STK10: variants seen among roughly 807,000 people sequenced by gnomAD.
STK10 encodes serine/threonine kinase 10.
Under a neutral mutation model 113.8 loss-of-function variants are expected in STK10, and 78 were observed. That is an observed-to-expected ratio of 0.69 (90% CI 0.57 to 0.83). The LOEUF is 0.83. Ranked by LOEUF, STK10 falls within the 40% of genes least tolerant of loss-of-function variation. The pLI is 0.00. For missense variants in STK10, 1,109 were observed against 1,280.1 expected, an observed-to-expected ratio of 0.87 and a Z score of 2.04; for synonymous variants, 465 against 494.7, an observed-to-expected ratio of 0.94 and a Z score of 0.80.
intron 4 of STK10, among the ~76,000 whole-genome samples, chr5:172,116,262 G>A (rs1769381285): frequency 6.6e-6 from 1 of 151,874 alleles, no homozygotes; most frequent in African/African-American, 2.4e-5. Context: ...TGTATTTTTA[G>A]TAGAGATTGG....
At chr5:172,089,891 A>G (rs1768657490) in intron 10 of STK10, among the ~76,000 whole-genome samples, 1 of 149,328 alleles carries the variant, frequency 6.7e-6, no homozygotes, top group Non-Finnish European at 1.5e-5. Flanking sequence ...ATGGGTGGAC[A>G]GTTGGATGGA....
At chr5:172,122,591 G>A (rs1170670562) in intron 3 of STK10, among the ~76,000 whole-genome samples, 4 of 152,056 alleles carry the variant, frequency 2.6e-5, no homozygotes, top group East Asian at 1.9e-4. Flanking sequence ...TCCTTTCCAC[G>A]ATAAGAGGGT....
intron 1 of STK10, among the ~76,000 whole-genome samples, chr5:172,157,048 T>TA (rs1180359736): frequency 6.6e-6 from 1 of 152,202 alleles, no homozygotes; most frequent in Non-Finnish European, 1.5e-5. Flanking sequence ...GAAAGACTGT[T>TA]GATTTGTTCA....
intron 7 of STK10, among the ~76,000 whole-genome samples, chr5:172,100,150 C>T (rs760331938): frequency 3.5e-4 from 54 of 152,290 alleles, no homozygotes; most frequent in Middle Eastern, 3.4e-3. Flanking sequence ...GCTCCTCTGC[C>T]GCCAGAGATG....
At chr5:172,064,434 A>G (rs1269093591) in intron 13 of STK10, 2 of 483,800 alleles carry the variant, frequency 4.1e-6, no homozygotes, top group Non-Finnish European at 7.5e-6. Flanking sequence ...CTTACAAATA[A>G]ATAACCCTAA....
intron 12 of STK10, among the ~76,000 whole-genome samples, chr5:172,065,022 A>G (rs1223021091): frequency 6.6e-6 from 1 of 151,670 alleles, no homozygotes; most frequent in African/African-American, 2.4e-5. Context: ...TCAGCTTCCA[A>G]CTCCCCCAGA....
chr5:172,117,669 C>A, intron 3 of STK10, 39 bp from the exon 4 acceptor site: 1 of 1,609,752 alleles, frequency 6.2e-7, no homozygotes, highest in Non-Finnish European at 8.5e-7. Context: ...TCAGTAAGCC[C>A]TGGACACAGG....
chr5:172,079,537 A>G (rs186683688), intron 12 of STK10, among the ~76,000 whole-genome samples: 287 of 149,644 alleles, frequency 1.9e-3, no homozygotes, highest in African/African-American at 7.0e-3. Context: ...AATTAATAGA[A>G]TATATACATA....
intron 3 of STK10, among the ~76,000 whole-genome samples, chr5:172,121,397 G>A (rs1270513473): frequency 6.6e-6 from 1 of 152,032 alleles, no homozygotes; most frequent in Non-Finnish European, 1.5e-5. Flanking sequence ...AGGCTGGAGG[G>A]CAGTGGATCA....
At chr5:172,168,306 A>T (rs912213063) in intron 1 of STK10, among the ~76,000 whole-genome samples, 2 of 152,182 alleles carry the variant, frequency 1.3e-5, no homozygotes, top group Non-Finnish European at 2.9e-5. Flanking sequence ...GACTCTATTT[A>T]GGAGAGAGAA....
chr5:172,074,746 C>T (rs10062670), intron 12 of STK10, among the ~76,000 whole-genome samples: 25,261 of 152,112 alleles, frequency 0.17, 2,310 homozygotes, highest in African/African-American at 0.23. Context: ...CAGCCGGGTG[C>T]GTTGGCTCAC....
At chr5:172,182,515 C>T (rs1770875662) in intron 1 of STK10, among the ~76,000 whole-genome samples, 3 of 150,046 alleles carry the variant, frequency 2.0e-5, no homozygotes, top group African/African-American at 7.4e-5. Flanking sequence ...TCCTGAGTAG[C>T]TGGGACCACG....
At chr5:172,148,203 G>C (rs906782654) in intron 2 of STK10, among the ~76,000 whole-genome samples, 1 of 152,110 alleles carries the variant, frequency 6.6e-6, no homozygotes, top group African/African-American at 2.4e-5. Flanking sequence ...TCAGAGGCAC[G>C]AAGAGGCGTG....
intron 7 of STK10, 39 bp from the exon 8 acceptor site, chr5:172,096,599 G>A: frequency 6.2e-7 from 1 of 1,604,458 alleles, no homozygotes; most frequent in Non-Finnish European, 8.5e-7. Flanking sequence ...AACCACTCTG[G>A]GGTCACGGTG....
chr5:172,129,172 G>A (rs775192652), intron 2 of STK10, among the ~76,000 whole-genome samples: 8 of 152,176 alleles, frequency 5.3e-5, no homozygotes, highest in East Asian at 3.8e-4. Flanking sequence ...GGTATAAGCC[G>A]GGCTGGGATG....
chr5:172,181,306 G>A (rs1386822246), intron 1 of STK10, among the ~76,000 whole-genome samples: 2 of 152,046 alleles, frequency 1.3e-5, no homozygotes, highest in African/African-American at 2.4e-5. Context: ...TTTAAAAGAC[G>A]CCACTGATGA....
At chr5:172,131,417 C>T (rs1416535953) in intron 2 of STK10, among the ~76,000 whole-genome samples, 1 of 152,202 alleles carries the variant, frequency 6.6e-6, no homozygotes, top group African/African-American at 2.4e-5. Flanking sequence ...CTGTCCCTTA[C>T]ACAACACTCT....
intron 1 of STK10, among the ~76,000 whole-genome samples, chr5:172,159,514 C>T (rs1242553511): frequency 6.6e-6 from 1 of 152,040 alleles, no homozygotes; most frequent in East Asian, 1.9e-4. Flanking sequence ...TGCACTCCAG[C>T]CTGGGTGACA....
intron 8 of STK10, among the ~76,000 whole-genome samples, chr5:172,095,492 G>A (rs564234160): frequency 3.3e-5 from 5 of 152,312 alleles, no homozygotes; most frequent in Admixed American, 6.5e-5. Flanking sequence ...CCACTTCACT[G>A]TATCGATCTC....
Sources: allele counts gnomAD v4.1 joint callset (sites outside exome capture counted in the v4.1 genomes callset), GRCh38; gene constraint gnomAD v4.1.1; transcripts MANE v1.5; gene names NCBI Gene and HGNC (gene_info 2026-07-23, HGNC 2026-07-21).